The following NT5DC3 variants were observed in gnomAD, a reference collection of about 807,000 sequenced individuals.
NT5DC3 encodes the protein 5'-nucleotidase domain-containing protein 3.
A neutral mutation model predicts 67.8 loss-of-function variants in NT5DC3; 42 were observed. The observed-to-expected ratio is 0.62, with a 90% CI of 0.48 to 0.80. The LOEUF (loss-of-function observed/expected upper bound fraction) is 0.80, where lower values mean the gene tolerates loss of function less well. Ranked by LOEUF, NT5DC3 falls within the 30% of genes least tolerant of loss-of-function variation. The pLI is 0.00. For synonymous variants in NT5DC3, 237 were observed against 255.6 expected (o/e 0.93, Z 0.69); for missense variants, 570 against 696.4 (o/e 0.82, Z 2.04).
rs900976041 is a variant in NT5DC3, at chr12:103,836,940, T to C, written c.208+4009A>G. ...CTCTTCTCGCAGCTCCACTAGGCAG[T>C]ACCCCAGTAGGGACTCTGTGTGGGG... On this transcript the variant is annotated intron_variant, in intron 1 of 13. Coordinates refer to ENST00000392876, the MANE Select transcript of NT5DC3 (RefSeq NM_001031701.3). 7.9e-5 allele frequency among the ~76,000 whole-genome samples: 12 copies of C among 152,318 alleles called. 1 individual carries two copies. Among genetic ancestry groups the C allele is most frequent in the East Asian group, 1.9e-4 (1 of 5,186 alleles).
At chr12:103,833,038 T>C (rs1343498224) in intron 1 of NT5DC3, among the ~76,000 whole-genome samples, 2 of 152,232 alleles carry the variant, frequency 1.3e-5, no homozygotes, top group Non-Finnish European at 2.9e-5. Flanking sequence ...TTTCTGGTTG[T>C]AAGCATCTTT....
chr12:103,747,299 G>C, the NT5DC3 span, among the ~76,000 whole-genome samples: 1 of 152,142 alleles, frequency 6.6e-6, no homozygotes, highest in East Asian at 1.9e-4. Flanking sequence ...GCCATACAGA[G>C]GCCCAAATGA....
At chr12:103,796,825 A>G (rs1011739278) in intron 6 of NT5DC3, 69 bp downstream of exon 6, 1 of 1,556,970 alleles carries the variant, frequency 6.4e-7, no homozygotes, top group African/African-American at 1.4e-5. Flanking sequence ...AGGAGGTTCA[A>G]GACTCTGTGA....
At chr12:103,796,361 A>G (rs1047323182) in intron 6 of NT5DC3, among the ~76,000 whole-genome samples, 10 of 152,236 alleles carry the variant, frequency 6.6e-5, no homozygotes, top group African/African-American at 2.2e-4. Context: ...TATTAAAAAT[A>G]CAAAAATTAG....
chr12:103,761,384 C>T, the NT5DC3 span: 5 of 1,613,870 alleles, frequency 3.1e-6, no homozygotes, highest in Non-Finnish European at 4.2e-6. Flanking sequence ...CATTTCCAGG[C>T]CTTTAAAAGC....
At chr12:103,767,110 T>C (rs148415212), downstream of NT5DC3, among the ~76,000 whole-genome samples, 32 of 152,314 alleles carry the variant, frequency 2.1e-4, no homozygotes, top group African/African-American at 7.2e-4. Context: ...TCAAGATATG[T>C]CCGTACAAAA....
At chr12:103,832,760 A>T (rs898714992) in intron 1 of NT5DC3, among the ~76,000 whole-genome samples, 2 of 152,220 alleles carry the variant, frequency 1.3e-5, no homozygotes, top group African/African-American at 4.8e-5. Flanking sequence ...TTCTGCCTCC[A>T]TAAGGATCAT....
the NT5DC3 span, among the ~76,000 whole-genome samples, chr12:103,749,331 G>A: frequency 6.6e-6 from 1 of 152,250 alleles, no homozygotes; most frequent in Middle Eastern, 3.4e-3. Flanking sequence ...CCCCTAGGCA[G>A]AAAAAGGACG....
chr12:103,814,176 G>A lies in NT5DC3; in HGVS notation c.393+761C>T, dbSNP rs377408823. Among the ~76,000 whole-genome samples the A allele has an allele frequency of 5.3e-5, 8 of 152,172 alleles. 1 individual carries two copies. In the East Asian group the frequency reaches 1.5e-3, roughly 29 times the overall value. On this transcript the variant is annotated intron_variant, in intron 2 of 13. Coordinates refer to ENST00000392876, the MANE Select transcript of NT5DC3 (RefSeq NM_001031701.3). ...CTTTATCTTCCCAGCTTGTATTGCA[G>A]GGCTTGGCACAAGGAGGCTTAAGAA...
At chr12:103,753,157 A>G in the NT5DC3 span, 2 of 1,596,288 alleles carry the variant, frequency 1.3e-6, no homozygotes, top group South Asian at 1.1e-5. Flanking sequence ...TTCAGAGTCC[A>G]TTGTTGGAAA....
intron 12 of NT5DC3, among the ~76,000 whole-genome samples, chr12:103,784,131 C>T (rs1276111320): frequency 2.0e-5 from 3 of 152,178 alleles, no homozygotes; most frequent in African/African-American, 7.2e-5. Flanking sequence ...TGTATAGAGC[C>T]AGCACTCAGC....
chr12:103,835,208 T>C (rs1172132336), intron 1 of NT5DC3, among the ~76,000 whole-genome samples: 1 of 152,132 alleles, frequency 6.6e-6, no homozygotes, highest in Admixed American at 6.5e-5. Context: ...GCTTAATAAA[T>C]GCTTGTTGGA....
At chr12:103,792,811 G>A (rs1374265848) in intron 9 of NT5DC3, among the ~76,000 whole-genome samples, 1 of 152,210 alleles carries the variant, frequency 6.6e-6, no homozygotes, top group Non-Finnish European at 1.5e-5. Context: ...CCAACAGGCA[G>A]TTTTGTTGCT....
chr12:103,824,490 A>G (rs1237938075), intron 1 of NT5DC3, among the ~76,000 whole-genome samples: 1 of 152,176 alleles, frequency 6.6e-6, no homozygotes, highest in Non-Finnish European at 1.5e-5. Flanking sequence ...CCCTCCAGTC[A>G]CAGCTGCTGG....
intron 13 of NT5DC3, among the ~76,000 whole-genome samples, chr12:103,779,197 G>A (rs770332320): frequency 9.2e-5 from 14 of 152,072 alleles, no homozygotes; most frequent in Non-Finnish European, 2.1e-4. Flanking sequence ...CAGCCTCCTC[G>A]GAAGTGAGGC....
chr12:103,758,387 CATTT>C, the NT5DC3 span: 1 of 1,562,684 alleles, frequency 6.4e-7, no homozygotes, highest in Admixed American at 1.7e-5. Context: ...AGTGGCTACA[CATTT>C]ATTTAGCTCA....
chr12:103,789,037 G>A (rs766362497), intron 9 of NT5DC3, 118 bp from the exon 10 acceptor site: 5 of 716,174 alleles, frequency 7.0e-6, no homozygotes, highest in Admixed American at 4.4e-5. Flanking sequence ...AAAAAAACCC[G>A]AAACCAAAAC....
intron 1 of NT5DC3, among the ~76,000 whole-genome samples, chr12:103,819,402 C>T (rs1887397755): frequency 6.6e-6 from 1 of 152,266 alleles, no homozygotes; most frequent in Non-Finnish European, 1.5e-5. Flanking sequence ...TGCCTCTTGA[C>T]TAGTCACTTA....
At position 103,780,373 on chromosome 12, in the gene NT5DC3, C is replaced by A; in HGVS notation, c.1330-9G>T. On this transcript the variant is annotated splice_polypyrimidine_tract_variant and intron_variant, in intron 12 of 13. Transcript: ENST00000392876. ...TCAGCATCTCTGTGAACCTGTAGGA[C>A]ACAAGTCAATTATTACAACTGTTTT... The A allele has an allele frequency of 6.2e-7, 1 of 1,613,216 alleles. No individual in the cohort carries two copies. The highest frequency in any genetic ancestry group is 8.5e-7 in the Non-Finnish European group (1 of 1,179,172).
Sources: allele counts gnomAD v4.1 joint callset (sites outside exome capture counted in the v4.1 genomes callset), GRCh38; gene constraint gnomAD v4.1.1; transcripts MANE v1.5; gene names NCBI Gene and HGNC (gene_info 2026-07-23, HGNC 2026-07-21).